The following NRXN1 variants were observed in gnomAD, a reference collection of about 807,000 sequenced individuals.
The protein encoded by NRXN1 is neurexin 1.
Under a neutral mutation model 150.9 loss-of-function variants are expected in NRXN1, and 39 were observed. The ratio of observed to expected loss-of-function variants is 0.26; its 90% CI spans 0.20 to 0.34. NRXN1 has a LOEUF of 0.34. Ranked by LOEUF, NRXN1 falls within the 10% of genes least tolerant of loss-of-function variation. NRXN1 has a pLI of 1.00. For missense variants in NRXN1, 1,815 were observed against 1,949.9 expected (o/e 0.93, Z 1.30); for synonymous variants, 924 against 757.0 (o/e 1.22, Z -3.62).
At chr2:50,696,073 C>T (rs1256707683) in intron 5 of NRXN1, 1 of 152,020 alleles carries the variant, frequency 6.6e-6, no homozygotes, top group Non-Finnish European at 1.5e-5. Context: ...GAACTCCTGA[C>T]CTCAGGTGAT....
At chr2:50,486,229 T>C (rs6739559) in intron 15 of NRXN1, among the ~76,000 whole-genome samples, 5 of 152,136 alleles carry the variant, frequency 3.3e-5, no homozygotes, top group African/African-American at 1.2e-4. Context: ...ATGCATGACA[T>C]ATAGGCATGC....
intron 2 of NRXN1, among the ~76,000 whole-genome samples, chr2:51,020,261 C>A (rs1669392895): frequency 6.6e-6 from 1 of 151,764 alleles, no homozygotes. Flanking sequence ...CTGTTTTAAA[C>A]TTCATATAAA....
chr2:50,189,259 C>T (rs1209917580), intron 18 of NRXN1, among the ~76,000 whole-genome samples: 1 of 152,006 alleles, frequency 6.6e-6, no homozygotes. Context: ...AGGAAACTAA[C>T]ACAGGGACAG....
At chr2:50,605,800 C>CA (rs147946249) in intron 8 of NRXN1, among the ~76,000 whole-genome samples, 89 of 147,972 alleles carry the variant, frequency 6.0e-4, no homozygotes, top group African/African-American at 1.9e-3. Flanking sequence ...AATATTCAGC[C>CA]AAAAAAAAAA....
chr2:50,621,430 G>C (rs1283952516), intron 6 of NRXN1, among the ~76,000 whole-genome samples, 181 bp from the exon 7 acceptor site: 3 of 151,944 alleles, frequency 2.0e-5, no homozygotes, highest in Non-Finnish European at 2.9e-5. Context: ...CATAGAAAAA[G>C]GGCAAAAAAA....
At chr2:50,384,322 C>T (rs1189525721) in intron 17 of NRXN1, among the ~76,000 whole-genome samples, 4 of 151,530 alleles carry the variant, frequency 2.6e-5, no homozygotes, top group East Asian at 1.9e-4. Context: ...CTGGCCAACA[C>T]GGTGAAACCC....
intron 17 of NRXN1, among the ~76,000 whole-genome samples, chr2:50,367,076 C>T (rs756618525): frequency 2.0e-5 from 3 of 151,952 alleles, no homozygotes; most frequent in Non-Finnish European, 4.4e-5. Context: ...AAGTAGGGAA[C>T]ATATTATTTG....
chr2:50,257,483 A>G (rs1427869179), intron 17 of NRXN1, among the ~76,000 whole-genome samples: 57 of 152,158 alleles, frequency 3.7e-4, no homozygotes, highest in Non-Finnish European at 1.0e-4. Context: ...TGAGATTTAA[A>G]TCTTCTCCCA....
chr2:50,265,965 GTTATTATTA>G (rs757745541), intron 17 of NRXN1, among the ~76,000 whole-genome samples: 266 of 132,366 alleles, frequency 2.0e-3, no homozygotes, highest in African/African-American at 6.4e-3. Flanking sequence ...TTATTTCTTT[GTTATTATTA>G]TTATTATTAT....
intron 5 of NRXN1, among the ~76,000 whole-genome samples, chr2:50,914,923 C>G (rs1385832611): frequency 6.6e-6 from 1 of 151,446 alleles, no homozygotes; most frequent in Non-Finnish European, 1.5e-5. Context: ...CACATCAGGG[C>G]AGGGTAGAGA....
At chr2:50,356,199 A>G (rs1452948153) in intron 17 of NRXN1, among the ~76,000 whole-genome samples, 1 of 152,180 alleles carries the variant, frequency 6.6e-6, no homozygotes, top group Non-Finnish European at 1.5e-5. Flanking sequence ...TTTTCACTAT[A>G]ACCATTCAAA....
intron 18 of NRXN1, among the ~76,000 whole-genome samples, chr2:50,198,671 C>A (rs2061931891): frequency 6.6e-6 from 1 of 152,048 alleles, no homozygotes; most frequent in Non-Finnish European, 1.5e-5. Context: ...AAGAAGCAGT[C>A]CTTTATTATT....
At chr2:50,102,620 A>T (rs1701123954) in intron 18 of NRXN1, among the ~76,000 whole-genome samples, 1 of 152,082 alleles carries the variant, frequency 6.6e-6, no homozygotes, top group Non-Finnish European at 1.5e-5. Context: ...CATATACAGC[A>T]TGCTAAGTTT....
intron 5 of NRXN1, among the ~76,000 whole-genome samples, chr2:50,730,198 T>C (rs1697918526): frequency 6.6e-6 from 1 of 152,192 alleles, no homozygotes; most frequent in Non-Finnish European, 1.5e-5. Flanking sequence ...GAAACAAGTT[T>C]CCTTTTTCTC....
At chr2:50,329,623 A>G (rs1320327081) in intron 17 of NRXN1, among the ~76,000 whole-genome samples, 2,858 of 8,592 alleles carry the variant, frequency 0.33, 121 homozygotes, top group East Asian at 0.47. Flanking sequence ...GTGTGTATAT[A>G]TATATATATA....
At chr2:50,192,361 G>A (rs889313612) in intron 18 of NRXN1, among the ~76,000 whole-genome samples, 2 of 152,058 alleles carry the variant, frequency 1.3e-5, no homozygotes, top group Admixed American at 1.3e-4. Context: ...TACAATACTT[G>A]TCTTCCAGAT....
At chr2:50,889,917 A>G (rs927274632) in intron 5 of NRXN1, among the ~76,000 whole-genome samples, 2 of 151,760 alleles carry the variant, frequency 1.3e-5, no homozygotes, top group Admixed American at 1.3e-4. Context: ...GTTACTTTTC[A>G]GTAACTAATA....
chr2:50,414,243 T>C (rs994124860), intron 17 of NRXN1, among the ~76,000 whole-genome samples: 7 of 152,128 alleles, frequency 4.6e-5, no homozygotes, highest in African/African-American at 1.4e-4. Flanking sequence ...CTAGGGGGGA[T>C]GGATACCCCA....
At chr2:50,712,980 G>T (rs1218790732) in intron 5 of NRXN1, among the ~76,000 whole-genome samples, 1 of 152,060 alleles carries the variant, frequency 6.6e-6, no homozygotes, top group Non-Finnish European at 1.5e-5. Flanking sequence ...TAAAATTGTG[G>T]TTTCATATCT....
Sources: gnomAD v4.1 joint callset for allele counts (sites outside exome capture counted in the v4.1 genomes callset) on GRCh38, gnomAD v4.1.1 for gene constraint, MANE v1.5 for transcripts, NCBI Gene and HGNC (gene_info 2026-07-23, HGNC 2026-07-21) for gene names.